The following MYO3B variants were observed in gnomAD, a reference collection of about 807,000 sequenced individuals.
MYO3B encodes myosin-IIIb.
A neutral mutation model predicts 174.6 loss-of-function variants in MYO3B; 156 were observed. The ratio of observed to expected loss-of-function variants is 0.89; its 90% confidence interval spans 0.78 to 1.02. The LOEUF is 1.02. Ranked by LOEUF, MYO3B falls within the 50% of genes least tolerant of loss-of-function variation. The pLI, the probability that MYO3B is intolerant of heterozygous loss-of-function variation, is 0.00. For synonymous variants in MYO3B, 563 were observed against 569.1 expected, an observed-to-expected ratio of 0.99 and a Z score of 0.15; for missense variants, 1,632 against 1,639.4, an observed-to-expected ratio of 1.00 and a Z score of 0.08.
intron 24 of MYO3B, among the ~76,000 whole-genome samples, chr2:170,465,325 T>C (rs147176182): frequency 5.3e-5 from 8 of 151,962 alleles, no homozygotes; most frequent in African/African-American, 1.9e-4. Flanking sequence ...GAGGGAGGAA[T>C]GGAGAGAGAA....
intron 7 of MYO3B, among the ~76,000 whole-genome samples, chr2:170,282,171 C>A (rs10754974): frequency 1.3e-5 from 2 of 152,088 alleles, no homozygotes; most frequent in African/African-American, 4.8e-5. Context: ...GTCATAAAAT[C>A]TTTGCCTAGA....
intron 22 of MYO3B, among the ~76,000 whole-genome samples, chr2:170,423,585 C>CTTTT (rs34209442): frequency 7.2e-4 from 89 of 124,284 alleles, no homozygotes; most frequent in South Asian, 1.1e-3. Flanking sequence ...TCAGCAAAAG[C>CTTTT]TTTTTTTTTT....
chr2:170,463,371 G>A lies in MYO3B; in HGVS notation c.2734G>A (p.Asp912Asn). 6.2e-7 allele frequency: 1 copy of A among 1,613,654 alleles called. No individual in the cohort carries two copies. Among genetic ancestry groups the A allele is most frequent in the African/African-American group, 1.3e-5 (1 of 75,024 alleles). Residue 912 changes from aspartate to asparagine, a missense_variant, in exon 24 of 35, where the codon GAC (aspartate) becomes AAC (asparagine). Coordinates refer to ENST00000408978, the MANE Select transcript of MYO3B (RefSeq NM_138995.5). ...PHFSAGKAKV[D>N]TLEVIRHPEE... ...TTGCCTCCACCTATGCTTCCAGGTG[G>A]ACACTCTGGAGGTGATACGGCATCC...
chr2:170,486,027 G>A (rs1194653977), intron 25 of MYO3B, among the ~76,000 whole-genome samples: 1 of 150,354 alleles, frequency 6.7e-6, no homozygotes, highest in Non-Finnish European at 1.5e-5. Flanking sequence ...AGAGAGAGAA[G>A]AGAGAATTTG....
At chr2:170,399,337 G>A (rs1388510429) in intron 16 of MYO3B, among the ~76,000 whole-genome samples, 2 of 149,522 alleles carry the variant, frequency 1.3e-5, no homozygotes, top group East Asian at 3.9e-4. Context: ...AGCTGAGTGT[G>A]GCAGTGCATG....
chr2:170,255,339 C>T (rs1304352602), intron 7 of MYO3B, among the ~76,000 whole-genome samples: 1 of 152,058 alleles, frequency 6.6e-6, no homozygotes, highest in African/African-American at 2.4e-5. Flanking sequence ...TTGTGCTCCT[C>T]CCCCCTTCCC....
intron 8 of MYO3B, among the ~76,000 whole-genome samples, chr2:170,341,836 A>G (rs1396870019): frequency 6.6e-6 from 1 of 151,942 alleles, no homozygotes. Flanking sequence ...AATTTAGATT[A>G]CCTAATAGAT....
chr2:170,579,757 G>A (rs1693011297), intron 32 of MYO3B, among the ~76,000 whole-genome samples: 3 of 152,212 alleles, frequency 2.0e-5, no homozygotes, highest in Non-Finnish European at 4.4e-5. Flanking sequence ...TGGAGCCATT[G>A]GCACTACCTC....
chr2:170,346,881 A>G (rs928333853), intron 8 of MYO3B, among the ~76,000 whole-genome samples: 1 of 152,226 alleles, frequency 6.6e-6, no homozygotes, highest in South Asian at 2.1e-4. Context: ...CACTGCATCT[A>G]GGATAGAGCA....
intron 8 of MYO3B, chr2:170,346,205 C>T (rs1274135706): frequency 6.6e-6 from 1 of 152,156 alleles, no homozygotes; most frequent in Non-Finnish European, 1.5e-5. Flanking sequence ...CAAGCTTGTC[C>T]AATCCTCAGC....
At chr2:170,423,607 C>G (rs2094636365) in intron 22 of MYO3B, among the ~76,000 whole-genome samples, 1 of 100,196 alleles carries the variant, frequency 1.0e-5, no homozygotes, top group Non-Finnish European at 1.9e-5. Context: ...TTTTTTGAGA[C>G]AGAATTCACT....
intron 32 of MYO3B, among the ~76,000 whole-genome samples, chr2:170,550,334 C>T (rs1690795519): frequency 6.6e-6 from 1 of 152,314 alleles, no homozygotes; most frequent in African/African-American, 2.4e-5. Flanking sequence ...ACAAATGGCT[C>T]TCAAACTTCA....
Position 170,632,605 on chromosome 2 carries a change from T to TAGCGGAAGCCAAGAAATAA in MYO3B, c.3734-19022_3734-19004dup, listed in dbSNP as rs1477751183. 2.7e-4 allele frequency among the ~76,000 whole-genome samples: 41 copies of TAGCGGAAGCCAAGAAATAA among 152,194 alleles called. No individual in the cohort carries two copies. The South Asian group carries it at 7.9e-3, about 29-fold the overall frequency. On this transcript the variant is annotated intron_variant, in intron 32 of 34. Coordinates refer to ENST00000408978, the MANE Select transcript of MYO3B (RefSeq NM_138995.5). Reference sequence around the variant, plus strand: ...GGCAAGAGCAAACACATTCAAAAGCTAGCGGAAGCCAAGAAATAACTAAGA... The same window carrying TAGCGGAAGCCAAGAAATAA: ...GGCAAGAGCAAACACATTCAAAAGCTAGCGGAAGCCAAGAAATAAAGCGGAAGCCAAGAAATAACTAAGA...
intron 25 of MYO3B, among the ~76,000 whole-genome samples, chr2:170,483,401 T>TTTTTTTTG (rs1685824850): frequency 8.7e-6 from 1 of 115,258 alleles, no homozygotes; most frequent in Non-Finnish European, 1.6e-5. Flanking sequence ...TTTTTTTTTT[T>TTTTTTTTG]TTTGAGACGG....
intron 7 of MYO3B, among the ~76,000 whole-genome samples, chr2:170,289,180 G>A (rs1343451854): frequency 6.6e-6 from 1 of 151,980 alleles, no homozygotes; most frequent in African/African-American, 2.4e-5. Flanking sequence ...GTTGTTTGTT[G>A]TGTCCTTGTC....
intron 22 of MYO3B, among the ~76,000 whole-genome samples, chr2:170,424,338 G>C (rs1377470608): frequency 1.3e-5 from 2 of 152,276 alleles, no homozygotes; most frequent in African/African-American, 4.8e-5. Context: ...GAAAAACTAG[G>C]CCAGGCACGG....
At chr2:170,321,887 G>A (rs933900480) in intron 7 of MYO3B, among the ~76,000 whole-genome samples, 2 of 152,144 alleles carry the variant, frequency 1.3e-5, no homozygotes, top group Middle Eastern at 3.4e-3. Context: ...AGGCCGAGGC[G>A]GGTGGATTTT....
At chr2:170,445,168 TAGTC>T (rs149560889) in intron 23 of MYO3B, among the ~76,000 whole-genome samples, 9,819 of 152,246 alleles carry the variant, frequency 0.064, 413 homozygotes, top group Non-Finnish European at 0.083. Flanking sequence ...TAAATAATTA[TAGTC>T]AGTATTTTAA....
intron 29 of MYO3B, among the ~76,000 whole-genome samples, chr2:170,517,171 G>C (rs1688372184): frequency 6.6e-6 from 1 of 152,242 alleles, no homozygotes; most frequent in Non-Finnish European, 1.5e-5. Context: ...GGGGATGGAG[G>C]AGCAGATTCC....
Sources: gnomAD v4.1 joint callset for allele counts (sites outside exome capture counted in the v4.1 genomes callset) on GRCh38, gnomAD v4.1.1 for gene constraint, MANE v1.5 for transcripts, NCBI Gene and HGNC (gene_info 2026-07-23, HGNC 2026-07-21) for gene names.